PPP1R7: variants seen among roughly 807,000 people sequenced by gnomAD.
PPP1R7 encodes the protein protein phosphatase 1 regulatory subunit 7.
In PPP1R7, 18 loss-of-function variants were observed where a neutral mutation model predicts 45.2. The ratio of observed to expected loss-of-function variants is 0.40; its 90% CI spans 0.28 to 0.59. PPP1R7 has a LOEUF of 0.59. PPP1R7 is among the 20% of genes least tolerant of loss of function. The probability of loss-of-function intolerance (pLI) is 0.46; values close to 1 mark genes in which losing one functional copy is unlikely to be tolerated. For missense variants in PPP1R7, 314 were observed against 455.8 expected (o/e 0.69, Z 2.83); for synonymous variants, 181 against 183.4 (o/e 0.99, Z 0.11).
chr2:241,175,528 A>T (rs1392393271), intron 9 of PPP1R7, among the ~76,000 whole-genome samples: 1 of 152,222 alleles, frequency 6.6e-6, no homozygotes, highest in East Asian at 1.9e-4. Context: ...TTTAGGGCCA[A>T]ATAATATTCC....
Position 241,159,341 on chromosome 2 carries a change from G to A in PPP1R7, c.432G>A (p.Leu144=), listed in dbSNP as rs1052301433. The A allele has an allele frequency of 7.4e-6, 12 of 1,612,810 alleles. No homozygotes were observed. The highest frequency in any genetic ancestry group is 4.5e-5 in the East Asian group (2 of 44,822). Residue 144 remains leucine, a splice_region_variant and synonymous_variant, in exon 5 of 10, where the codon CTG becomes CTA. Coordinates refer to ENST00000234038, the MANE Select transcript of PPP1R7 (RefSeq NM_002712.3). ...KIENLEALTE[L]EILDISFNLL... ...AGAATCTGGAGGCGCTAACAGAGCT[G>A]GAGTGAGTCATGAGACCCACAGGAG...
intron 1 of PPP1R7, among the ~76,000 whole-genome samples, chr2:241,151,192 T>C (rs541538754): frequency 6.6e-6 from 1 of 152,342 alleles, no homozygotes; most frequent in East Asian, 1.9e-4. Flanking sequence ...GTAGGTACAG[T>C]CATATACGTG....
At position 241,182,878 on chromosome 2, in the gene PPP1R7, G is replaced by A; in HGVS notation, c.*55G>A. The A allele has an allele frequency of 6.4e-7, 1 of 1,569,964 alleles. No individual in the cohort carries two copies. Among genetic ancestry groups the A allele is most frequent in the Non-Finnish European group, 8.7e-7 (1 of 1,150,740 alleles). The stretch of plus-strand genomic sequence containing the variant: ...TCCTCGGAAGAACTGCCCAGCCACG[G>A]GTTTTTAACCCACCTGTTGCTCCTG... On this transcript the variant is annotated 3_prime_UTR_variant, in exon 10 of 10. Transcript: ENST00000234038.
intron 9 of PPP1R7, among the ~76,000 whole-genome samples, chr2:241,173,195 C>A (rs2067849113): frequency 6.7e-6 from 1 of 148,520 alleles, no homozygotes; most frequent in Non-Finnish European, 1.5e-5. Context: ...TCGCTTGAAT[C>A]CAGGAGGCAG....
At chr2:241,178,124 C>T (rs1023497818) in intron 9 of PPP1R7, among the ~76,000 whole-genome samples, 5 of 152,190 alleles carry the variant, frequency 3.3e-5, no homozygotes, top group Non-Finnish European at 7.4e-5. Context: ...CTGCAAGGAG[C>T]GGGGGGCACA....
At chr2:241,170,760 C>T (rs533926497) in intron 9 of PPP1R7, among the ~76,000 whole-genome samples, 11 of 152,336 alleles carry the variant, frequency 7.2e-5, no homozygotes, top group South Asian at 4.1e-4. Flanking sequence ...TGGCCTGCTG[C>T]AAATGTTCCT....
At chr2:241,150,237 C>G (rs1429839524), upstream of PPP1R7, 2 of 1,284,036 alleles carry the variant, frequency 1.6e-6, no homozygotes, top group East Asian at 3.1e-5. Flanking sequence ...CCCGCTTCGA[C>G]TCCCTCTGCT....
intron 9 of PPP1R7, among the ~76,000 whole-genome samples, chr2:241,179,421 T>G (rs2067963535): frequency 1.3e-5 from 2 of 152,202 alleles, no homozygotes; most frequent in African/African-American, 2.4e-5. Flanking sequence ...CCAAAAATGT[T>G]TAGTCTGATC....
At chr2:241,163,186 G>C in intron 6 of PPP1R7, 99 bp from the exon 7 acceptor site, 4 of 729,084 alleles carry the variant, frequency 5.5e-6, no homozygotes. Flanking sequence ...ACATCGCAGA[G>C]CTGAAGCCCA....
chr2:241,171,493 A>G (rs2067816059), intron 9 of PPP1R7, among the ~76,000 whole-genome samples: 1 of 152,246 alleles, frequency 6.6e-6, no homozygotes, highest in Non-Finnish European at 1.5e-5. Flanking sequence ...ACTCAGTTCC[A>G]TGCTCATATC....
At chr2:241,159,963 G>C (rs980234281) in intron 5 of PPP1R7, among the ~76,000 whole-genome samples, 1 of 152,184 alleles carries the variant, frequency 6.6e-6, no homozygotes, top group African/African-American at 2.4e-5. Context: ...TGCTTGTTTT[G>C]TTTCTGTTTC....
At chr2:241,177,169 T>G (rs1191754936) in intron 9 of PPP1R7, among the ~76,000 whole-genome samples, 2 of 152,194 alleles carry the variant, frequency 1.3e-5, no homozygotes, top group Non-Finnish European at 2.9e-5. Context: ...AGGCGGAGGT[T>G]GCAGTGAGCC....
intron 9 of PPP1R7, among the ~76,000 whole-genome samples, chr2:241,180,927 A>G (rs1003000643): frequency 6.6e-6 from 1 of 152,066 alleles, no homozygotes; most frequent in African/African-American, 2.4e-5. Context: ...GGCCAGGCGC[A>G]GTGGCTCACG....
chr2:241,150,821 G>T (rs978299308), intron 1 of PPP1R7, among the ~76,000 whole-genome samples: 1 of 152,192 alleles, frequency 6.6e-6, no homozygotes, highest in Non-Finnish European at 1.5e-5. Context: ...ATGGGACGCG[G>T]TGGCTCCATT....
rs141265098 is a variant in PPP1R7, at chr2:241,172,599, G to A, written c.906+2732G>A. ...GTGGAGATTGCAGTGGGCCAAGATC[G>A]TGCCACTGCACTCCAGCCTGGGCAA... On this transcript the variant is annotated intron_variant, in intron 9 of 9. Coordinates refer to ENST00000234038, the MANE Select transcript of PPP1R7 (RefSeq NM_002712.3). Among the ~76,000 whole-genome samples, 853 of 151,368 alleles carry A rather than the reference G, an allele frequency of 5.6e-3. 6 individuals are homozygous for A. The highest frequency in any genetic ancestry group is 0.019 in the African/African-American group (793 of 41,210).
intron 9 of PPP1R7, among the ~76,000 whole-genome samples, chr2:241,174,451 T>A (rs1443258077): frequency 1.3e-5 from 2 of 152,128 alleles, no homozygotes; most frequent in African/African-American, 4.8e-5. Context: ...CTCCTATCTA[T>A]ACATTCCAGC....
At chr2:241,161,057 T>A (rs896058325) in intron 6 of PPP1R7, among the ~76,000 whole-genome samples, 4 of 137,704 alleles carry the variant, frequency 2.9e-5, no homozygotes, top group Non-Finnish European at 4.7e-5. Context: ...ATGGTCATCT[T>A]CTCTGGCATG....
intron 8 of PPP1R7, 35 bp from the exon 9 acceptor site, chr2:241,169,746 G>T (rs1160253081): frequency 6.5e-7 from 1 of 1,543,426 alleles, no homozygotes; most frequent in South Asian, 1.1e-5. Flanking sequence ...GTTGATCAGA[G>T]GTAATCCAGG....
intron 9 of PPP1R7, among the ~76,000 whole-genome samples, chr2:241,172,317 T>A (rs562993562): frequency 6.6e-6 from 1 of 152,322 alleles, no homozygotes; most frequent in East Asian, 1.9e-4. Context: ...CATTTAAATA[T>A]CTTACGATCC....
Sources: allele counts gnomAD v4.1 joint callset (sites outside exome capture counted in the v4.1 genomes callset), GRCh38; gene constraint gnomAD v4.1.1; transcripts MANE v1.5; gene names NCBI Gene and HGNC (gene_info 2026-07-23, HGNC 2026-07-21).